Variants in MMP16 observed in about 807,000 individuals in gnomAD.
The protein encoded by MMP16 is matrix metallopeptidase 16, also known as matrix metalloproteinase-16.
In MMP16, 12 loss-of-function variants were observed where a neutral mutation model predicts 67.8. That is an observed-to-expected ratio of 0.18 (90% confidence interval 0.11 to 0.29). The LOEUF (loss-of-function observed/expected upper bound fraction) is 0.29, where lower values mean the gene tolerates loss of function less well. Among genes scored for constraint, MMP16 ranks in the 10% least tolerant of loss-of-function variants. The pLI is 1.00. For synonymous variants in MMP16, 249 were observed against 255.9 expected, an observed-to-expected ratio of 0.97 and a Z score of 0.26; for missense variants, 475 against 765.7, an observed-to-expected ratio of 0.62 and a Z score of 4.48.
chr8:88,226,191 A>T (rs1208034802), intron 1 of MMP16, among the ~76,000 whole-genome samples: 1 of 151,882 alleles, frequency 6.6e-6, no homozygotes, highest in African/African-American at 2.4e-5. Flanking sequence ...TCAAACATTC[A>T]TCTTTTTTCA....
At chr8:88,225,007 G>A (rs1809747936) in intron 1 of MMP16, among the ~76,000 whole-genome samples, 2 of 151,886 alleles carry the variant, frequency 1.3e-5, no homozygotes, top group Non-Finnish European at 2.9e-5. Context: ...CCTGAGTGAG[G>A]TGTGAAATAA....
intron 1 of MMP16, 108 bp from the exon 2 acceptor site, chr8:88,197,414 G>A (rs1670987428): frequency 4.6e-6 from 4 of 866,938 alleles, no homozygotes; most frequent in African/African-American, 1.8e-5. Flanking sequence ...TCTCCACAAG[G>A]GCATACAGTA....
chr8:88,303,304 G>T (rs1563589673), intron 1 of MMP16, among the ~76,000 whole-genome samples: 1 of 152,202 alleles, frequency 6.6e-6, no homozygotes, highest in Non-Finnish European at 1.5e-5. Context: ...ACAGGTTGGG[G>T]TCTGCCTGAG....
intron 2 of MMP16, among the ~76,000 whole-genome samples, chr8:88,192,077 A>G (rs1484086246): frequency 6.6e-6 from 1 of 152,236 alleles, no homozygotes; most frequent in Non-Finnish European, 1.5e-5. Context: ...AAGTATGAAT[A>G]ATATTTACTA....
At chr8:88,235,189 C>A (rs918017261) in intron 1 of MMP16, among the ~76,000 whole-genome samples, 1 of 152,036 alleles carries the variant, frequency 6.6e-6, no homozygotes, top group Non-Finnish European at 1.5e-5. Flanking sequence ...GTCAGGAGTT[C>A]GAGACCAGCC....
At chr8:88,313,480 T>C (rs769453045) in intron 1 of MMP16, among the ~76,000 whole-genome samples, 2 of 152,216 alleles carry the variant, frequency 1.3e-5, no homozygotes, top group Non-Finnish European at 2.9e-5. Flanking sequence ...TGTCTGCTTT[T>C]ATGATTTTTC....
At chr8:88,318,770 ACACT>A (rs1811413598) in intron 1 of MMP16, among the ~76,000 whole-genome samples, 1 of 152,210 alleles carries the variant, frequency 6.6e-6, no homozygotes, top group African/African-American at 2.4e-5. Context: ...AACATTTAGA[ACACT>A]TATTAGGCAC....
At chr8:88,075,487 C>T (rs1294186934) in intron 6 of MMP16, among the ~76,000 whole-genome samples, 1 of 151,932 alleles carries the variant, frequency 6.6e-6, no homozygotes, top group Non-Finnish European at 1.5e-5. Flanking sequence ...TAATAATTGG[C>T]CTACACACAA....
At position 88,104,072 on chromosome 8, in the gene MMP16, T is replaced by C. The variant is rs1809193473; in HGVS notation, c.1083+12435A>G. Among the ~76,000 whole-genome samples, 4 of 151,802 alleles carry C rather than the reference T, an allele frequency of 2.6e-5. No individual in the cohort carries two copies. The South Asian group carries it at 8.3e-4, about 31-fold the overall frequency. On this transcript the variant is annotated intron_variant, in intron 6 of 9. Transcript: ENST00000286614. The stretch of plus-strand genomic sequence containing the variant: ...ATTTTATTTTAAAAATTAGTATGGC[T>C]TCACCATCACTTAATATATTACAGT...
intron 1 of MMP16, among the ~76,000 whole-genome samples, chr8:88,203,436 C>G (rs1353724708): frequency 1.3e-5 from 2 of 152,074 alleles, no homozygotes; most frequent in Admixed American, 1.3e-4. Flanking sequence ...TGCACATCCA[C>G]ACATGCATGC....
intron 1 of MMP16, among the ~76,000 whole-genome samples, chr8:88,204,439 C>T: frequency 6.6e-6 from 1 of 151,992 alleles, no homozygotes; most frequent in Non-Finnish European, 1.5e-5. Context: ...TGCTGTATTT[C>T]AAAGTGTTAA....
intron 4 of MMP16, among the ~76,000 whole-genome samples, chr8:88,132,246 G>A (rs1050858637): frequency 6.6e-6 from 1 of 151,836 alleles, no homozygotes; most frequent in Non-Finnish European, 1.5e-5. Context: ...CCCTTGGAAA[G>A]ACTCTTTAAA....
rs1456131260 is a variant in MMP16, at chr8:88,034,944, T to C, written c.*6517A>G. 1 of 151,996 alleles carries C rather than the reference T, an allele frequency of 6.6e-6. No individual in the cohort carries two copies. The highest frequency in any genetic ancestry group is 2.4e-5 in the African/African-American group (1 of 41,424). The allele number at this position is 151,996 out of a possible 1,614,324, so 9.4% of individuals were successfully genotyped here. On this transcript the variant is annotated 3_prime_UTR_variant, in exon 10 of 10. Transcript: ENST00000286614. ...CATCTCACCAAAGCTTCATCATATA[T>C]AAAGCATGTATAAAAAGGCCTGTGT...
intron 1 of MMP16, among the ~76,000 whole-genome samples, chr8:88,299,563 A>T (rs1258169665): frequency 6.6e-6 from 1 of 152,178 alleles, no homozygotes; most frequent in African/African-American, 2.4e-5. Flanking sequence ...GCCAAATTTG[A>T]AACTATCCAG....
intron 2 of MMP16, among the ~76,000 whole-genome samples, chr8:88,193,871 C>T (rs1305415710): frequency 6.6e-6 from 1 of 151,608 alleles, no homozygotes; most frequent in East Asian, 1.9e-4. Context: ...TTCTTTATTG[C>T]CTTGCTATTT....
chr8:88,080,726 G>A (rs1049107996), intron 6 of MMP16, among the ~76,000 whole-genome samples: 3 of 152,138 alleles, frequency 2.0e-5, no homozygotes, highest in African/African-American at 4.8e-5. Context: ...GTGAGCCACC[G>A]CGCCTGGCCA....
intron 7 of MMP16, chr8:88,069,492 T>C: frequency 1.9e-6 from 1 of 523,336 alleles, no homozygotes; most frequent in South Asian, 1.4e-5. Flanking sequence ...GAGCCAACCA[T>C]CTTGGATTAT....
chr8:88,127,073 C>T (rs1011824838), intron 4 of MMP16, among the ~76,000 whole-genome samples: 9 of 151,820 alleles, frequency 5.9e-5, no homozygotes, highest in Non-Finnish European at 1.0e-4. Context: ...TGTTATGTGC[C>T]AGAACAGGAA....
chr8:88,239,957 G>C (rs1216715028), intron 1 of MMP16, among the ~76,000 whole-genome samples: 1 of 152,208 alleles, frequency 6.6e-6, no homozygotes. Context: ...AGTTAACTTA[G>C]ATGACCTACA....
Sources: gnomAD v4.1 joint callset for allele counts (sites outside exome capture counted in the v4.1 genomes callset) on GRCh38, gnomAD v4.1.1 for gene constraint, MANE v1.5 for transcripts, NCBI Gene and HGNC (gene_info 2026-07-23, HGNC 2026-07-21) for gene names.